Variants in SLC15A1 observed in about 807,000 individuals in gnomAD.
SLC15A1 encodes solute carrier family 15 member 1, also known as Caco-2 oligopeptide transporter.
In SLC15A1, 83 loss-of-function variants were observed where a neutral mutation model predicts 92.9. That is an observed-to-expected ratio of 0.89 (90% CI 0.75 to 1.07). The LOEUF (loss-of-function observed/expected upper bound fraction) is 1.07, where lower values mean the gene tolerates loss of function less well. SLC15A1 is among the 50% of genes least tolerant of loss of function. SLC15A1 has a pLI of 0.00. For missense variants in SLC15A1, 857 were observed against 880.1 expected (o/e 0.97, Z 0.33); for synonymous variants, 322 against 318.2 (o/e 1.01, Z -0.13).
At chr13:98,718,513 C>T (rs1021701057) in intron 8 of SLC15A1, among the ~76,000 whole-genome samples, 1 of 151,788 alleles carries the variant, frequency 6.6e-6, no homozygotes, top group African/African-American at 2.4e-5. Context: ...AACAAATAAA[C>T]AAAAACAACA....
At chr13:98,684,986 T>G in intron 22 of SLC15A1, 71 bp from the exon 23 acceptor site, 1 of 1,323,634 alleles carries the variant, frequency 7.6e-7, no homozygotes, top group Non-Finnish European at 1.0e-6. Context: ...GAATATATGG[T>G]GCGTACATGT....
In SLC15A1 at chr13:98,721,797, C is replaced by T. The variant is rs757618148; in HGVS notation, c.465+7G>A. Reference sequence around the variant, plus strand: ...CACGTGGGCTCTGGGGAGGCCCCTACCCTTACCTGGCCCTCTTCAAACTGA... The same window carrying T: ...CACGTGGGCTCTGGGGAGGCCCCTATCCTTACCTGGCCCTCTTCAAACTGA... On this transcript the variant is annotated splice_region_variant and intron_variant, in intron 6 of 22. Transcript: ENST00000376503. 4.2e-5 allele frequency: 68 copies of T among 1,613,310 alleles called. No individual in the cohort carries two copies. In the Middle Eastern group the frequency reaches 8.2e-4, roughly 20 times the overall value.
At chr13:98,748,941 C>T (rs9300509) in intron 1 of SLC15A1, among the ~76,000 whole-genome samples, 4,638 of 152,312 alleles carry the variant, frequency 0.03, 100 homozygotes, top group Admixed American at 0.068. Context: ...GGAACAAGCC[C>T]TCACTCAGAT....
chr13:98,722,338 A>G (rs1488191764), intron 5 of SLC15A1, among the ~76,000 whole-genome samples: 1 of 152,254 alleles, frequency 6.6e-6, no homozygotes, highest in Non-Finnish European at 1.5e-5. Flanking sequence ...GTTAGGTAGT[A>G]TGATCTCAGT....
chr13:98,704,858 T>C (rs537582608), intron 16 of SLC15A1, among the ~76,000 whole-genome samples: 7 of 152,148 alleles, frequency 4.6e-5, no homozygotes, highest in Non-Finnish European at 7.3e-5. Flanking sequence ...AAGGTTGTGG[T>C]GCTCAACCAT....
intron 15 of SLC15A1, among the ~76,000 whole-genome samples, chr13:98,708,215 G>T (rs918043193): frequency 1.3e-5 from 2 of 152,126 alleles, no homozygotes; most frequent in Non-Finnish European, 2.9e-5. Context: ...TCTAGGAACT[G>T]ATCTCAGACT....
At chr13:98,717,510 T>C (rs1319767260) in intron 8 of SLC15A1, among the ~76,000 whole-genome samples, 1 of 152,208 alleles carries the variant, frequency 6.6e-6, no homozygotes, top group Non-Finnish European at 1.5e-5. Flanking sequence ...GAGATAACAA[T>C]GTACCTAACG....
intron 17 of SLC15A1, among the ~76,000 whole-genome samples, chr13:98,703,667 G>A (rs554972545): frequency 2.1e-5 from 3 of 141,990 alleles, no homozygotes; most frequent in African/African-American, 5.3e-5. Flanking sequence ...AGCAATCCTC[G>A]CACCCCAGCC....
chr13:98,732,073 T>C (rs2088354706), intron 1 of SLC15A1, among the ~76,000 whole-genome samples: 1 of 152,250 alleles, frequency 6.6e-6, no homozygotes, highest in Non-Finnish European at 1.5e-5. Flanking sequence ...ACAGGATTGC[T>C]ATCTTAGAAA....
intron 5 of SLC15A1, 31 bp downstream of exon 5, chr13:98,723,881 G>T: frequency 2.5e-6 from 4 of 1,613,452 alleles, no homozygotes; most frequent in Non-Finnish European, 3.4e-6. Flanking sequence ...AGGTGGGAGG[G>T]TGATGGGGGC....
At chr13:98,751,813 C>T (rs1296136128) in intron 1 of SLC15A1, among the ~76,000 whole-genome samples, 1 of 152,196 alleles carries the variant, frequency 6.6e-6, no homozygotes, top group East Asian at 1.9e-4. Context: ...AACAACGTGG[C>T]CACATCTTCT....
intron 8 of SLC15A1, among the ~76,000 whole-genome samples, chr13:98,718,775 C>G (rs1240914661): frequency 6.6e-6 from 1 of 152,198 alleles, no homozygotes; most frequent in Non-Finnish European, 1.5e-5. Flanking sequence ...CACCATTGCA[C>G]TCCAGCCTGG....
Position 98,687,672 on chromosome 13 carries a change from A to AAGATTTT in SLC15A1, c.1735_1736insAAAATCT (p.Val579GlufsTer4). On this transcript the variant is annotated frameshift_variant, in exon 21 of 23. Transcript: ENST00000376503. LOFTEE classifies it high-confidence loss of function. Reference sequence around the variant, plus strand: ...CTGCGGGATTTGCAGAGCCATGTTAACTGTGTTGGCTGAAATATCTTCAAA... The same window carrying AAGATTTT: ...CTGCGGGATTTGCAGAGCCATGTTAAAGATTTTCTGTGTTGGCTGAAATATCTTCAAA... 1 of 1,614,178 alleles carries AAGATTTT rather than the reference A, an allele frequency of 6.2e-7. No individual in the cohort carries two copies. The highest frequency in any genetic ancestry group is 2.2e-5 in the East Asian group (1 of 44,878).
Position 98,711,300 on chromosome 13 carries a change from C to T in SLC15A1, c.900+554G>A, listed in dbSNP as rs72648801. Among the ~76,000 whole-genome samples, 755 of 152,254 alleles carry T rather than the reference C, an allele frequency of 5.0e-3. 1 individual carries two copies. The highest frequency in any genetic ancestry group is 0.02 in the Middle Eastern group (6 of 294). On this transcript the variant is annotated intron_variant, in intron 11 of 22. Transcript: ENST00000376503. ...GCCCCATGCACTGAGTTGTCTAACA[C>T]GATTGTGAAAAATTCCTGGGTATGT...
intron 1 of SLC15A1, among the ~76,000 whole-genome samples, chr13:98,735,531 A>T (rs2088385777): frequency 6.6e-6 from 1 of 152,226 alleles, no homozygotes; most frequent in African/African-American, 2.4e-5. Context: ...CAATTAGGAA[A>T]AGAATTGAAT....
At chr13:98,725,477 G>A (rs1308906658) in intron 4 of SLC15A1, among the ~76,000 whole-genome samples, 1 of 152,086 alleles carries the variant, frequency 6.6e-6, no homozygotes, top group Non-Finnish European at 1.5e-5. Context: ...AGCAGCCAAG[G>A]GGGTATTTTA....
chr13:98,735,700 GACAA>G (rs1410679123), intron 1 of SLC15A1, among the ~76,000 whole-genome samples: 3 of 152,164 alleles, frequency 2.0e-5, no homozygotes, highest in East Asian at 1.9e-4. Flanking sequence ...ACCAATAACA[GACAA>G]ACAGAGAGCC....
rs950022808 is a variant in SLC15A1, at chr13:98,752,443, G to A, written c.4+152C>T. 87 of 683,630 alleles carry A rather than the reference G, an allele frequency of 1.3e-4. 1 individual carries two copies. The highest frequency in any genetic ancestry group is 1.1e-3 in the African/African-American group (58 of 53,350). 42.3% of individuals were successfully genotyped at this position (683,630 alleles called of 1,614,324 possible). A position where few individuals can be genotyped will look rare whatever the true frequency, so the allele number is the denominator to read the frequency against. On this transcript the variant is annotated intron_variant, in intron 1 of 22. Transcript: ENST00000376503. The stretch of plus-strand genomic sequence containing the variant: ...GTGACCACCCGGGAGGGGATCCCGG[G>A]CGCCCCGCAACCTCCCGGCCCCCGT...
At chr13:98,713,424 G>T (rs570491286) in intron 9 of SLC15A1, among the ~76,000 whole-genome samples, 2 of 152,206 alleles carry the variant, frequency 1.3e-5, no homozygotes, top group East Asian at 3.9e-4. Context: ...GTTTTATAAA[G>T]TTTGTGTTTG....
Sources: allele counts gnomAD v4.1 joint callset (sites outside exome capture counted in the v4.1 genomes callset), GRCh38; gene constraint gnomAD v4.1.1; transcripts MANE v1.5; gene names NCBI Gene and HGNC (gene_info 2026-07-23, HGNC 2026-07-21).